Variants in MBNL2 observed in about 807,000 individuals in gnomAD.
MBNL2 encodes the protein muscleblind like splicing regulator 2.
MBNL2 carries 17 observed loss-of-function variants against 41.9 expected under a neutral mutation model. The observed-to-expected ratio is 0.41, with a 90% confidence interval of 0.28 to 0.61. MBNL2 has a LOEUF of 0.61. Ranked by LOEUF, MBNL2 falls within the 20% of genes least tolerant of loss-of-function variation. The probability of loss-of-function intolerance (pLI) is 0.35; values close to 1 mark genes in which losing one functional copy is unlikely to be tolerated. For missense variants in MBNL2, 336 were observed against 505.6 expected (o/e 0.66, Z 3.22); for synonymous variants, 195 against 182.9 (o/e 1.07, Z -0.53).
intron 1 of MBNL2, among the ~76,000 whole-genome samples, chr13:97,247,633 TA>T (rs764986354): frequency 5.9e-5 from 9 of 152,316 alleles, no homozygotes; most frequent in African/African-American, 1.4e-4. Flanking sequence ...GTGTTACTTA[TA>T]AAAAAATTGT....
intron 7 of MBNL2, chr13:97,362,965 A>G (rs1366831547): frequency 1.3e-5 from 2 of 152,214 alleles, no homozygotes; most frequent in East Asian, 3.9e-4. Flanking sequence ...CTAGAGTTCT[A>G]GTTAGATGGT....
intron 8 of MBNL2, among the ~76,000 whole-genome samples, chr13:97,367,381 C>T (rs2063936367): frequency 6.6e-6 from 1 of 152,180 alleles, no homozygotes; most frequent in Admixed American, 6.5e-5. Flanking sequence ...TGGAAGAATA[C>T]TTCATTGCGC....
chr13:97,334,148 C>CCGCACA lies in MBNL2; in HGVS notation c.175-127_175-126insGCACAC. ...AACACATGAGCATGCGCGCGCACAC[C>CCGCACA]CACACACACACACACACACACACAC... On this transcript the variant is annotated intron_variant, in intron 2 of 8. Transcript: ENST00000679496. This position sits in a 1 kb window ranked among gnomAD's most constrained non-coding sequence, Gnocchi z 5.3. 1.8e-6 allele frequency: 1 copy of CCGCACA among 546,456 alleles called. No individual in the cohort carries two copies. The highest frequency in any genetic ancestry group is 3.2e-6 in the Non-Finnish European group (1 of 311,686). 33.9% of individuals were successfully genotyped at this position (546,456 alleles called of 1,614,324 possible). A position where few individuals can be genotyped will look rare whatever the true frequency, so the allele number is the denominator to read the frequency against.
rs2066399813 is a variant in MBNL2 at position 97,391,959 on chromosome 13, GTGGTGTTTGGTTTGCCTGGAGA to G, written c.*513_*534del. The G allele has an allele frequency of 6.5e-6, 1 of 153,158 alleles. No homozygotes were observed. The highest frequency in any genetic ancestry group is 2.4e-5 in the African/African-American group (1 of 41,446). 9.5% of individuals were successfully genotyped at this position (153,158 alleles called of 1,614,324 possible). On this transcript the variant is annotated 3_prime_UTR_variant, in exon 9 of 9. Coordinates refer to ENST00000679496, the MANE Select transcript of MBNL2 (RefSeq NM_001382683.1). ...ACAAGTACTGGGGACACATCAAAGT[GTGGTGTTTGGTTTGCCTGGAGA>G]TGCCACGTTGAATCATGTGATTCTA...
intron 1 of MBNL2, among the ~76,000 whole-genome samples, chr13:97,253,622 A>G (rs958994109): frequency 1.3e-5 from 2 of 152,204 alleles, no homozygotes; most frequent in African/African-American, 4.8e-5. Context: ...AAAGTTGGGA[A>G]GAATGCAGGA....
chr13:97,368,700 TTGTGTGTGTGTG>T (rs140107508), intron 8 of MBNL2, among the ~76,000 whole-genome samples: 11 of 148,368 alleles, frequency 7.4e-5, no homozygotes, highest in East Asian at 4.0e-4. Context: ...ATATTCAAGT[TTGTGTGTGTGTG>T]TGTGTGTGTG....
the MBNL2 span, among the ~76,000 whole-genome samples, chr13:97,191,301 C>T: frequency 0.012 from 1,816 of 150,654 alleles, 44 homozygotes; most frequent in African/African-American, 0.041. Context: ...AGGAGCCTGG[C>T]CCCTCCTCTT....
chr13:97,274,868 G>A lies in MBNL2; in HGVS notation c.-604-764G>A, dbSNP rs17268852. ...ACTCCAGCATTCCATACTACAGAGC[G>A]TTTTTAGATTATGACTCAGTTAAAA... On this transcript the variant is annotated intron_variant, in intron 1 of 8. Transcript: ENST00000679496. 6.1e-3 allele frequency among the ~76,000 whole-genome samples: 931 copies of A among 152,256 alleles called. 6 individuals carry two copies. Among genetic ancestry groups the A allele is most frequent in the Admixed American group, 0.012 (189 of 15,296 alleles).
intron 2 of MBNL2, among the ~76,000 whole-genome samples, chr13:97,332,760 A>G (rs2060535109): frequency 6.6e-6 from 1 of 152,242 alleles, no homozygotes. Context: ...TGAACTTGAG[A>G]CTAAGGAGAC....
chr13:97,144,954 C>A, the MBNL2 span, among the ~76,000 whole-genome samples: 1 of 152,170 alleles, frequency 6.6e-6, no homozygotes, highest in Non-Finnish European at 1.5e-5. Flanking sequence ...AATATTTGAA[C>A]CCTCTAAACT....
intron 2 of MBNL2, among the ~76,000 whole-genome samples, chr13:97,315,552 A>G (rs2058967834): frequency 6.6e-6 from 1 of 152,230 alleles, no homozygotes; most frequent in Admixed American, 6.5e-5. Context: ...ACAGACATGC[A>G]GAGAAGGGGA....
chr13:97,183,873 A>G, the MBNL2 span, among the ~76,000 whole-genome samples: 1 of 152,212 alleles, frequency 6.6e-6, no homozygotes, highest in South Asian at 2.1e-4. Flanking sequence ...CAGGCAAGTG[A>G]GCTGATTATT....
chr13:97,240,711 G>A (rs1435908179), intron 1 of MBNL2, among the ~76,000 whole-genome samples: 1 of 152,210 alleles, frequency 6.6e-6, no homozygotes, highest in African/African-American at 2.4e-5. Context: ...AAACACTGGA[G>A]CATGTTACCC....
At chr13:97,336,510 AAG>A (rs1298206262) in intron 3 of MBNL2, among the ~76,000 whole-genome samples, 1 of 152,154 alleles carries the variant, frequency 6.6e-6, no homozygotes, top group Non-Finnish European at 1.5e-5. Flanking sequence ...ACGCTCATAT[AAG>A]AGAGAGGGAG....
chr13:97,312,389 C>T (rs923958504), intron 2 of MBNL2, among the ~76,000 whole-genome samples: 1 of 152,086 alleles, frequency 6.6e-6, no homozygotes, highest in African/African-American at 2.4e-5. Flanking sequence ...TTCCTTATTT[C>T]ATGTTTTTGC....
chr13:97,219,140 G>A (rs970261931), upstream of MBNL2, among the ~76,000 whole-genome samples: 4 of 152,188 alleles, frequency 2.6e-5, no homozygotes, highest in African/African-American at 9.7e-5. Flanking sequence ...GAACTATGGA[G>A]ATGGGATCTG....
chr13:97,288,751 C>G (rs2055185675), intron 2 of MBNL2, among the ~76,000 whole-genome samples: 1 of 152,114 alleles, frequency 6.6e-6, no homozygotes, highest in African/African-American at 2.4e-5. Context: ...ATTAGTCTTT[C>G]TCAGCACCAT....
intron 1 of MBNL2, among the ~76,000 whole-genome samples, chr13:97,246,642 C>T (rs2045531275): frequency 6.6e-6 from 1 of 152,100 alleles, no homozygotes; most frequent in Non-Finnish European, 1.5e-5. Context: ...GAGGAGGCAG[C>T]GGGATTTGTG....
intron 2 of MBNL2, among the ~76,000 whole-genome samples, chr13:97,313,651 G>C (rs899528779): frequency 6.6e-6 from 1 of 152,198 alleles, no homozygotes; most frequent in Non-Finnish European, 1.5e-5. Context: ...TCTCCCTGCA[G>C]CACTGCTCCA....
Sources: allele counts gnomAD v4.1 joint callset (sites outside exome capture counted in the v4.1 genomes callset), GRCh38; gene constraint gnomAD v4.1.1; non-coding constraint Gnocchi (gnomAD v3.1); transcripts MANE v1.5; gene names NCBI Gene and HGNC (gene_info 2026-07-23, HGNC 2026-07-21).